LUZP2: variants seen among roughly 807,000 people sequenced by gnomAD.
LUZP2 encodes the protein leucine zipper protein 2.
LUZP2 carries 52 observed loss-of-function variants against 51.6 expected under a neutral mutation model. The ratio of observed to expected loss-of-function variants is 1.01; its 90% confidence interval spans 0.81 to 1.27. The LOEUF (loss-of-function observed/expected upper bound fraction) is 1.27. Ranked by LOEUF, LUZP2 falls within the 50% of genes most tolerant of loss-of-function variation. The probability of loss-of-function intolerance (pLI) is 0.00; values close to 1 mark genes in which losing one functional copy is unlikely to be tolerated. For missense variants in LUZP2, 436 were observed against 395.4 expected, an observed-to-expected ratio of 1.10 and a Z score of -0.87; for synonymous variants, 154 against 137.3, an observed-to-expected ratio of 1.12 and a Z score of -0.85.
At chr11:25,006,843 G>A (rs1856846923) in intron 9 of LUZP2, among the ~76,000 whole-genome samples, 1 of 152,130 alleles carries the variant, frequency 6.6e-6, no homozygotes, top group African/African-American at 2.4e-5. Flanking sequence ...GTGAGCAGCA[G>A]CAAGATTTAC....
chr11:24,527,565 T>TGTCACA (rs1554948836), intron 1 of LUZP2, among the ~76,000 whole-genome samples: 1 of 124,696 alleles, frequency 8.0e-6, no homozygotes, highest in African/African-American at 2.9e-5. Context: ...TCTCTCTCTC[T>TGTCACA]CTCACACACA....
chr11:24,948,672 T>C (rs1467531929), intron 7 of LUZP2, among the ~76,000 whole-genome samples: 1 of 151,808 alleles, frequency 6.6e-6, no homozygotes, highest in Non-Finnish European at 1.5e-5. Flanking sequence ...CATGGGTTTT[T>C]AGAACCTTGT....
chr11:24,512,988 C>T (rs1468103965), intron 1 of LUZP2, among the ~76,000 whole-genome samples: 8 of 152,128 alleles, frequency 5.3e-5, no homozygotes, highest in African/African-American at 1.7e-4. Flanking sequence ...GAACTCCTGA[C>T]CTCAGGTGAT....
At position 24,587,864 on chromosome 11, in the gene LUZP2, T is replaced by A. The variant is rs775988359; in HGVS notation, c.62+90559T>A. Among the ~76,000 whole-genome samples the A allele has an allele frequency of 9.9e-5, 15 of 152,068 alleles. No homozygotes were observed. In the South Asian group the frequency reaches 1.0e-3, roughly 11 times the overall value. ...GAAAAAAAGGCATATTATACAGATG[T>A]GTCAGAGGGGGTAGGTTTCAAAATG... On this transcript the variant is annotated intron_variant, in intron 1 of 11. Coordinates refer to ENST00000336930, the MANE Select transcript of LUZP2 (RefSeq NM_001009909.4).
chr11:24,734,805 ATCT>A (rs1858867516), intron 3 of LUZP2, among the ~76,000 whole-genome samples: 1 of 151,944 alleles, frequency 6.6e-6, no homozygotes, highest in Non-Finnish European at 1.5e-5. Flanking sequence ...AAATTTAAAC[ATCT>A]TCTCCGAGTT....
chr11:24,948,646 T>C (rs1244282684), intron 7 of LUZP2, among the ~76,000 whole-genome samples: 1 of 151,780 alleles, frequency 6.6e-6, no homozygotes, highest in Admixed American at 6.6e-5. Flanking sequence ...TCCTGCTGAA[T>C]ATAGACAGTA....
At chr11:25,060,864 G>A (rs527479819) in intron 10 of LUZP2, among the ~76,000 whole-genome samples, 7 of 150,566 alleles carry the variant, frequency 4.6e-5, no homozygotes, top group South Asian at 2.1e-4. Context: ...TTCTCCCTCC[G>A]TCTCAGGATA....
chr11:24,993,420 C>T (rs1250701946), intron 9 of LUZP2, among the ~76,000 whole-genome samples: 1 of 152,090 alleles, frequency 6.6e-6, no homozygotes, highest in Non-Finnish European at 1.5e-5. Context: ...TATTCTGCCT[C>T]TTGGGAAATA....
chr11:24,543,993 A>C (rs1851461712), intron 1 of LUZP2, among the ~76,000 whole-genome samples: 1 of 152,048 alleles, frequency 6.6e-6, no homozygotes, highest in Admixed American at 6.6e-5. Flanking sequence ...TGCCACTCAG[A>C]GCCTGAAAAC....
At chr11:24,869,078 A>G (rs1354350981) in intron 5 of LUZP2, among the ~76,000 whole-genome samples, 5 of 152,146 alleles carry the variant, frequency 3.3e-5, no homozygotes. Context: ...CTCTGTGACA[A>G]GGTCTTCCTT....
chr11:25,000,914 T>C (rs1180507173), intron 9 of LUZP2, among the ~76,000 whole-genome samples: 2 of 118,688 alleles, frequency 1.7e-5, no homozygotes, highest in Non-Finnish European at 4.0e-5. Flanking sequence ...AGAAATCTTT[T>C]GAGAGTGTGT....
chr11:24,793,075 G>T (rs567345526), intron 5 of LUZP2, among the ~76,000 whole-genome samples: 1 of 152,090 alleles, frequency 6.6e-6, no homozygotes, highest in Admixed American at 6.6e-5. Flanking sequence ...CTGTGGATTT[G>T]TTTCTTCATA....
intron 5 of LUZP2, among the ~76,000 whole-genome samples, chr11:24,827,280 T>C (rs1243724919): frequency 1.3e-5 from 2 of 152,192 alleles, no homozygotes; most frequent in Non-Finnish European, 1.5e-5. Flanking sequence ...GGGTTATCCC[T>C]AGGAACAAGG....
chr11:24,997,190 C>A (rs1042817752), intron 9 of LUZP2, among the ~76,000 whole-genome samples: 2 of 151,172 alleles, frequency 1.3e-5, no homozygotes, highest in Non-Finnish European at 3.0e-5. Flanking sequence ...TGAGGAATCG[C>A]CACACTGACT....
chr11:24,623,480 T>C (rs1256639585), intron 1 of LUZP2, among the ~76,000 whole-genome samples: 1 of 152,166 alleles, frequency 6.6e-6, no homozygotes, highest in African/African-American at 2.4e-5. Context: ...CACAAGGATC[T>C]ACTTTGTGTA....
intron 5 of LUZP2, among the ~76,000 whole-genome samples, chr11:24,843,403 A>G (rs1332766233): frequency 1.3e-5 from 2 of 152,134 alleles, no homozygotes; most frequent in African/African-American, 4.8e-5. Flanking sequence ...GAAAAATATG[A>G]CAGTAATAGA....
intron 5 of LUZP2, among the ~76,000 whole-genome samples, chr11:24,837,587 C>T (rs931365403): frequency 5.3e-5 from 8 of 151,548 alleles, no homozygotes; most frequent in African/African-American, 1.7e-4. Flanking sequence ...GAAAAACAAT[C>T]GACCTGGAAA....
At chr11:24,845,992 A>C (rs937205969) in intron 5 of LUZP2, among the ~76,000 whole-genome samples, 1 of 152,106 alleles carries the variant, frequency 6.6e-6, no homozygotes, top group Non-Finnish European at 1.5e-5. Context: ...TTTATTAAAA[A>C]TTTTCAATAG....
intron 6 of LUZP2, among the ~76,000 whole-genome samples, chr11:24,912,683 G>A (rs551631516): frequency 2.0e-4 from 31 of 152,116 alleles, no homozygotes; most frequent in African/African-American, 5.5e-4. Flanking sequence ...GCTGGTGTGC[G>A]CCTGTAGTCC....
Sources: gnomAD v4.1 joint callset for allele counts (sites outside exome capture counted in the v4.1 genomes callset) on GRCh38, gnomAD v4.1.1 for gene constraint, MANE v1.5 for transcripts, NCBI Gene and HGNC (gene_info 2026-07-23, HGNC 2026-07-21) for gene names.